Variants in ETV6 observed in about 807,000 individuals in gnomAD.
The protein encoded by ETV6 is transcription factor ETV6.
ETV6 carries 16 observed loss-of-function variants against 51.1 expected under a neutral mutation model. The ratio of observed to expected loss-of-function variants is 0.31; its 90% CI spans 0.21 to 0.48. The LOEUF is 0.48. Ranked by LOEUF, ETV6 falls within the 20% of genes least tolerant of loss-of-function variation. ETV6 has a pLI of 0.99. For synonymous variants in ETV6, 240 were observed against 224.1 expected, an observed-to-expected ratio of 1.07 and a Z score of -0.64; for missense variants, 458 against 594.8, an observed-to-expected ratio of 0.77 and a Z score of 2.39.
rs1350209920 is a variant in ETV6 at position 11,853,418 on chromosome 12, T to C, written c.329-9T>C. 2 of 1,614,026 alleles carry C rather than the reference T, an allele frequency of 1.2e-6. No homozygotes were observed. Among genetic ancestry groups the C allele is most frequent in the Admixed American group, 1.7e-5 (1 of 59,972 alleles). ...CATTTCTCGATTTCCCTTTCCTTTTTCTTTCCAGGTGATGTGCTCTATGAA... is the reference window on the plus strand; with the variant it reads ...CATTTCTCGATTTCCCTTTCCTTTTCCTTTCCAGGTGATGTGCTCTATGAA... On this transcript the variant is annotated splice_polypyrimidine_tract_variant and intron_variant, in intron 3 of 7. Coordinates refer to ENST00000396373, the MANE Select transcript of ETV6 (RefSeq NM_001987.5).
At position 11,891,213 on chromosome 12, in the gene ETV6, T is replaced by C. The variant is rs904436105; in HGVS notation, c.*167T>C. ...GACCAAGAGGGACCCTGGAGCACCTTAGACAAACTACCCAGCACAGGCGGG... is the reference window on the plus strand; with the variant it reads ...GACCAAGAGGGACCCTGGAGCACCTCAGACAAACTACCCAGCACAGGCGGG... On this transcript the variant is annotated 3_prime_UTR_variant, in exon 8 of 8. Coordinates refer to ENST00000396373, the MANE Select transcript of ETV6 (RefSeq NM_001987.5). 3.3e-5 allele frequency: 19 copies of C among 576,324 alleles called. No homozygotes were observed. Among genetic ancestry groups the C allele is most frequent in the African/African-American group, 5.6e-5 (3 of 53,280 alleles). The allele number at this position is 576,324 out of a possible 1,614,324, so 35.7% of individuals were successfully genotyped here. A position where few individuals can be genotyped will look rare whatever the true frequency, so the allele number is the denominator to read the frequency against.
chr12:11,776,146 G>C (rs1294067687), intron 2 of ETV6, among the ~76,000 whole-genome samples: 1 of 152,184 alleles, frequency 6.6e-6, no homozygotes, highest in Non-Finnish European at 1.5e-5. Context: ...ACTAAGCCCA[G>C]GGAGGTTTTG....
chr12:11,816,620 AGAG>A (rs1945998329), intron 2 of ETV6, among the ~76,000 whole-genome samples: 1 of 152,152 alleles, frequency 6.6e-6, no homozygotes, highest in Non-Finnish European at 1.5e-5. Flanking sequence ...TTTATTGGAT[AGAG>A]GAGAGACCTT....
intron 3 of ETV6, 54 bp from the exon 4 acceptor site, chr12:11,853,373 T>C (rs1276640088): frequency 5.5e-5 from 89 of 1,608,792 alleles, no homozygotes; most frequent in Non-Finnish European, 4.2e-6. Flanking sequence ...CCGTAGATCG[T>C]TGTTGGAAAA....
chr12:11,781,065 C>T (rs1425986320), intron 2 of ETV6, among the ~76,000 whole-genome samples: 1 of 152,176 alleles, frequency 6.6e-6, no homozygotes, highest in Non-Finnish European at 1.5e-5. Flanking sequence ...AGGAAACTTG[C>T]CTCATGATAC....
At chr12:11,684,666 A>G (rs1864593841) in intron 1 of ETV6, among the ~76,000 whole-genome samples, 1 of 152,208 alleles carries the variant, frequency 6.6e-6, no homozygotes, top group African/African-American at 2.4e-5. Flanking sequence ...TTCAGCTATA[A>G]ATACTTCAGG....
intron 1 of ETV6, among the ~76,000 whole-genome samples, chr12:11,674,756 G>C (rs1864385361): frequency 2.0e-5 from 3 of 151,916 alleles, no homozygotes; most frequent in Non-Finnish European, 4.4e-5. Context: ...CCACCACCTA[G>C]AGAGATGATG....
At chr12:11,711,309 T>C (rs1865167315) in intron 1 of ETV6, among the ~76,000 whole-genome samples, 1 of 152,246 alleles carries the variant, frequency 6.6e-6, no homozygotes, top group African/African-American at 2.4e-5. Flanking sequence ...CCTGTTGAGA[T>C]GGAGTCTCAC....
At chr12:11,849,879 A>G (rs1162365367) in intron 3 of ETV6, among the ~76,000 whole-genome samples, 2 of 152,158 alleles carry the variant, frequency 1.3e-5, no homozygotes, top group South Asian at 2.1e-4. Flanking sequence ...GCTGCCAATC[A>G]TATGCTCACA....
chr12:11,743,705 G>A (rs924894969), intron 1 of ETV6, among the ~76,000 whole-genome samples: 15 of 152,152 alleles, frequency 9.9e-5, no homozygotes, highest in African/African-American at 2.2e-4. Context: ...TAGACATTTC[G>A]AAAAGATAAA....
chr12:11,763,278 A>G (rs532292565), intron 2 of ETV6, among the ~76,000 whole-genome samples: 2 of 152,024 alleles, frequency 1.3e-5, no homozygotes, highest in East Asian at 3.9e-4. Context: ...CCTATTTACA[A>G]CTCTGTCAAG....
chr12:11,789,843 C>T (rs2856330), intron 2 of ETV6, among the ~76,000 whole-genome samples: 125,831 of 152,116 alleles, frequency 0.83, 52,614 homozygotes, highest in Admixed American at 0.89. Context: ...CTTATTGTTC[C>T]CTGGAAGCAT....
At chr12:11,856,118 T>C (rs1946629689) in intron 4 of ETV6, among the ~76,000 whole-genome samples, 1 of 152,196 alleles carries the variant, frequency 6.6e-6, no homozygotes, top group East Asian at 1.9e-4. Context: ...CCCTTTGGCC[T>C]GATTTGACTC....
chr12:11,814,573 G>A (rs1945964143), intron 2 of ETV6, among the ~76,000 whole-genome samples: 1 of 152,166 alleles, frequency 6.6e-6, no homozygotes, highest in Non-Finnish European at 1.5e-5. Context: ...GCCTGGGTCT[G>A]ACACCAGCAT....
At chr12:11,758,365 C>T (rs1456976241) in intron 2 of ETV6, among the ~76,000 whole-genome samples, 4 of 152,154 alleles carry the variant, frequency 2.6e-5, no homozygotes, top group African/African-American at 9.7e-5. Context: ...GGTGAATAGC[C>T]TGTTGAGGAG....
intron 2 of ETV6, among the ~76,000 whole-genome samples, chr12:11,775,770 G>C (rs904467104): frequency 1.3e-5 from 2 of 152,310 alleles, no homozygotes; most frequent in East Asian, 3.9e-4. Flanking sequence ...TACAAGCAGC[G>C]CATCCAAGAA....
intron 2 of ETV6, among the ~76,000 whole-genome samples, chr12:11,764,389 C>T (rs958078824): frequency 2.0e-5 from 3 of 152,162 alleles, no homozygotes; most frequent in African/African-American, 7.2e-5. Flanking sequence ...ACTTACTGTG[C>T]GTGGCCATTG....
chr12:11,728,306 C>T (rs1049611184), intron 1 of ETV6, among the ~76,000 whole-genome samples: 1 of 152,198 alleles, frequency 6.6e-6, no homozygotes, highest in Non-Finnish European at 1.5e-5. Context: ...CAGGGGTCCC[C>T]AACCCCCAGA....
At chr12:11,858,586 G>A (rs17819115) in intron 4 of ETV6, among the ~76,000 whole-genome samples, 55,891 of 151,884 alleles carry the variant, frequency 0.37, 13,039 homozygotes, top group South Asian at 0.58. Context: ...AGCAAGATCC[G>A]GATTTCTCAA....
Sources: allele counts gnomAD v4.1 joint callset (sites outside exome capture counted in the v4.1 genomes callset), GRCh38; gene constraint gnomAD v4.1.1; transcripts MANE v1.5; gene names NCBI Gene and HGNC (gene_info 2026-07-23, HGNC 2026-07-21).